The following PWWP2B variants were observed in gnomAD, a reference collection of about 807,000 sequenced individuals.
PWWP2B encodes the protein PWWP domain-containing protein 2B.
In PWWP2B, 9 loss-of-function variants were observed where a neutral mutation model predicts 15.5. That is an observed-to-expected ratio of 0.58 (90% confidence interval 0.35 to 1.02). PWWP2B has a LOEUF of 1.02. Among genes scored for constraint, PWWP2B ranks in the 50% least tolerant of loss-of-function variants. PWWP2B has a pLI of 0.02. For synonymous variants in PWWP2B, 474 were observed against 403.6 expected (o/e 1.17, Z -2.09); for missense variants, 864 against 865.3 (o/e 1.00, Z 0.02).
rs190588386 is a variant in PWWP2B at position 132,405,357 on chromosome 10, C to T, written c.857C>T (p.Pro286Leu). Residue 286 changes from proline to leucine, a missense_variant, in exon 2 of 3, where the codon CCG (proline) becomes CTG (leucine). Around this residue, in one of 2 missense-constraint regions of PWWP2B, gnomAD observed 736 missense variants for 687.7 expected, o/e 1.07. Coordinates refer to ENST00000305233, the MANE Select transcript of PWWP2B (RefSeq NM_138499.4). Reference sequence around the variant, plus strand: ...GAGCCCTTCCGTCCCCAGCAGGCCCCGCAGGACGACGGCAGCCAGGACCCC... The same window carrying T: ...GAGCCCTTCCGTCCCCAGCAGGCCCTGCAGGACGACGGCAGCCAGGACCCC... ...SLEPFRPQQA[P>L]QDDGSQDPEV... 95 of 1,611,280 alleles carry T rather than the reference C, an allele frequency of 5.9e-5. No homozygotes were observed. The highest frequency in any genetic ancestry group is 1.3e-4 in the African/African-American group (10 of 75,024).
At chr10:132,400,883 GGGA>G in intron 1 of PWWP2B, among the ~76,000 whole-genome samples, 1 of 152,366 alleles carries the variant, frequency 6.6e-6, no homozygotes, top group South Asian at 2.1e-4. Flanking sequence ...ATGTGGGCCC[GGGA>G]GGCCAGGCAG....
chr10:132,416,073 G>A (rs768166640), intron 2 of PWWP2B, among the ~76,000 whole-genome samples: 1 of 152,182 alleles, frequency 6.6e-6, no homozygotes, highest in Non-Finnish European at 1.5e-5. Flanking sequence ...TTTCTCCCAT[G>A]GCAGCCCAGG....
chr10:132,405,516 G>A lies in PWWP2B; in HGVS notation c.1016G>A (p.Arg339His), dbSNP rs769824159. The change falls in exon 2 of 3, where the codon CGT becomes CAT. Residue 339 changes from arginine to histidine, a missense_variant. Transcript: ENST00000305233. ...CCTAAGATCCGCCTGAAGCCCCACC[G>A]TCTGGGGGACAGCGAGCACGAGCCC... is the stretch of plus-strand genomic sequence containing the variant. ...PPPKIRLKPH[R>H]LGDSEHEPVY... 134 of 1,603,820 alleles carry A rather than the reference G, an allele frequency of 8.4e-5. No individual in the cohort carries two copies. Among genetic ancestry groups the A allele is most frequent in the Non-Finnish European group, 1.1e-4 (127 of 1,179,328 alleles).
At chr10:132,413,596 C>T (rs1195892060) in intron 2 of PWWP2B, among the ~76,000 whole-genome samples, 1 of 152,230 alleles carries the variant, frequency 6.6e-6, no homozygotes, top group Non-Finnish European at 1.5e-5. Flanking sequence ...TTCTGTGGCA[C>T]CTCCGCAGCC....
At chr10:132,406,509 C>T (rs923337388) in intron 2 of PWWP2B, among the ~76,000 whole-genome samples, 10 of 152,270 alleles carry the variant, frequency 6.6e-5, no homozygotes, top group Admixed American at 3.3e-4. Context: ...GGAGGCCAGC[C>T]ACCGCTGGTG....
chr10:132,405,097 G>A lies in PWWP2B; in HGVS notation c.597G>A (p.Arg199=). The change falls in exon 2 of 3, where the codon AGG becomes AGA. Residue 199 remains arginine, a synonymous_variant. Coordinates refer to ENST00000305233, the MANE Select transcript of PWWP2B (RefSeq NM_138499.4). The part of the protein sequence containing the change: ...EASPGPPAAP[R]ARRRLGSGPD... ...GCCCCGGACCCCCAGCCGCGCCCAG[G>A]GCCCGCAGGAGGCTGGGCAGCGGCC... 3 of 1,534,874 alleles carry A rather than the reference G, an allele frequency of 2.0e-6. No homozygotes were observed. Among genetic ancestry groups the A allele is most frequent in the South Asian group, 1.2e-5 (1 of 83,474 alleles).
At position 132,405,601 on chromosome 10, in the gene PWWP2B, G is replaced by A. The variant is rs774036996; in HGVS notation, c.1101G>A (p.Ala367=). ...LNGYLRDSSP[A]PCADGPAGGL... ...GGTACCTGCGGGACAGCTCGCCGGCGCCCTGTGCGGACGGCCCTGCCGGTG... is the reference window on the plus strand; with the variant it reads ...GGTACCTGCGGGACAGCTCGCCGGCACCCTGTGCGGACGGCCCTGCCGGTG... The change falls in exon 2 of 3, where the codon GCG becomes GCA. Residue 367 remains alanine, a synonymous_variant. Coordinates refer to ENST00000305233, the MANE Select transcript of PWWP2B (RefSeq NM_138499.4). 6.8e-6 allele frequency: 11 copies of A among 1,611,212 alleles called. No homozygotes were observed. Among genetic ancestry groups the A allele is most frequent in the South Asian group, 2.2e-5 (2 of 91,076 alleles).
intron 2 of PWWP2B, among the ~76,000 whole-genome samples, chr10:132,410,809 C>G (rs1047428748): frequency 2.0e-5 from 3 of 152,194 alleles, no homozygotes; most frequent in Admixed American, 2.0e-4. Context: ...AGTGGGGACT[C>G]AATGCTCTCC....
In PWWP2B at chr10:132,405,884, C is replaced by G; in HGVS notation, c.1384C>G (p.Arg462Gly). Residue 462 changes from arginine to glycine, a missense_variant, in exon 2 of 3, where the codon CGC becomes GGC. Physicochemically the swap from Arg to Gly is moderately radical, Grantham distance 125. Around this residue, in one of 2 missense-constraint regions of PWWP2B, gnomAD observed 736 missense variants for 687.7 expected, o/e 1.07. Transcript: ENST00000305233. ...ASAPSVSREA[R>G]QTVPPLTVRL... ...AGCGCCCTCGGTGTCCAGAGAGGCT[C>G]GCCAAACGGTGCCGCCCCTGACGGT... The G allele has an allele frequency of 6.2e-7, 1 of 1,611,452 alleles. No homozygotes were observed. Among genetic ancestry groups the G allele is most frequent in the Non-Finnish European group, 8.5e-7 (1 of 1,178,976 alleles).
chr10:132,413,650 G>A (rs569580455), intron 2 of PWWP2B, among the ~76,000 whole-genome samples: 17 of 152,364 alleles, frequency 1.1e-4, no homozygotes, highest in South Asian at 1.0e-3. Flanking sequence ...TCCTGTGGCC[G>A]CATCTGGGCA....
intron 1 of PWWP2B, among the ~76,000 whole-genome samples, 170 bp downstream of exon 1, chr10:132,397,521 G>A (rs112869178): frequency 2.0e-5 from 3 of 151,476 alleles, no homozygotes; most frequent in Admixed American, 1.3e-4. Flanking sequence ...CCGCCACTCG[G>A]GGGGGCAAAA....
At chr10:132,398,265 G>A (rs767116461) in intron 1 of PWWP2B, among the ~76,000 whole-genome samples, 8 of 152,220 alleles carry the variant, frequency 5.3e-5, no homozygotes, top group Non-Finnish European at 8.8e-5. Flanking sequence ...CAATTATTTC[G>A]CAGACGTTAT....
rs373426316 is a variant in PWWP2B at position 132,404,777 on chromosome 10, C to A, written c.277C>A (p.Pro93Thr). 290 of 1,546,466 alleles carry A rather than the reference C, an allele frequency of 1.9e-4. 3 individuals are homozygous for A. Among genetic ancestry groups the A allele is most frequent in the South Asian group, 1.9e-3 (163 of 87,858 alleles). Residue 93 changes from proline (P) to threonine (T), a missense_variant, in exon 2 of 3, where the codon CCC becomes ACC. Around this residue, in one of 2 missense-constraint regions of PWWP2B, gnomAD observed 736 missense variants for 687.7 expected, o/e 1.07. Transcript: ENST00000305233. ...SSPPPARGVQ[P>T]PETTRPEPPP... ...CCCCCCTCCTGCCCGCGGGGTTCAG[C>A]CCCCCGAGACCACCCGCCCCGAGCC...
At chr10:132,411,355 C>T (rs1229488886) in intron 2 of PWWP2B, among the ~76,000 whole-genome samples, 2 of 152,244 alleles carry the variant, frequency 1.3e-5, no homozygotes, top group African/African-American at 2.4e-5. Context: ...TTAATCACAA[C>T]GCAAACACGA....
chr10:132,415,407 TCA>T (rs548411815), intron 2 of PWWP2B, among the ~76,000 whole-genome samples: 25 of 143,966 alleles, frequency 1.7e-4, no homozygotes, highest in African/African-American at 5.0e-4. Flanking sequence ...ACACATCCAC[TCA>T]CACTCATTTA....
chr10:132,414,692 ATGG>A (rs1289739739), intron 2 of PWWP2B, among the ~76,000 whole-genome samples: 1 of 152,172 alleles, frequency 6.6e-6, no homozygotes, highest in Non-Finnish European at 1.5e-5. Context: ...GAAATGGAAG[ATGG>A]TATTTGTAGG....
At chr10:132,401,072 C>G (rs2069608718) in intron 1 of PWWP2B, among the ~76,000 whole-genome samples, 1 of 152,256 alleles carries the variant, frequency 6.6e-6, no homozygotes, top group Admixed American at 6.5e-5. Context: ...TTTGGCTGAG[C>G]CTGACATCCA....
intron 1 of PWWP2B, among the ~76,000 whole-genome samples, chr10:132,399,593 T>C (rs1276279245): frequency 6.6e-6 from 1 of 152,290 alleles, no homozygotes; most frequent in Admixed American, 6.5e-5. Context: ...CTCTTGAGTG[T>C]CAGCCTGCGT....
rs758762095 is a variant in PWWP2B, at chr10:132,397,212, G to T, written c.-15G>T. Reference sequence around the variant, plus strand: ...GCGGCGGCGGGGCGGGGGCGGCCTGGGACGCGGCGGGAGCATGGAGCCGCG... The same window carrying T: ...GCGGCGGCGGGGCGGGGGCGGCCTGTGACGCGGCGGGAGCATGGAGCCGCG... On this transcript the variant is annotated 5_prime_UTR_variant, in exon 1 of 3. Transcript: ENST00000305233. 9.2e-7 allele frequency: 1 copy of T among 1,084,238 alleles called. No individual in the cohort carries two copies. The highest frequency in any genetic ancestry group is 1.1e-6 in the Non-Finnish European group (1 of 894,288). The allele number at this position is 1,084,238 out of a possible 1,614,324, so 67.2% of individuals were successfully genotyped here.
Sources: gnomAD v4.1 joint callset for allele counts (sites outside exome capture counted in the v4.1 genomes callset) on GRCh38, gnomAD v4.1.1 for gene constraint, gnomAD v4.1.1 regional missense constraint, MANE v1.5 for transcripts, NCBI Gene and HGNC (gene_info 2026-07-23, HGNC 2026-07-21) for gene names.